Variants in EFEMP1 observed in about 807,000 individuals in gnomAD.
The protein encoded by EFEMP1 is EGF-containing fibulin-like extracellular matrix protein 1.
Under a neutral mutation model 65.7 loss-of-function variants are expected in EFEMP1, and 18 were observed. The observed-to-expected ratio is 0.27, with a 90% CI of 0.19 to 0.41. The LOEUF is 0.41. EFEMP1 is among the 10% of genes least tolerant of loss of function. The probability of loss-of-function intolerance (pLI) is 1.00; values close to 1 mark genes in which losing one functional copy is unlikely to be tolerated. For missense variants in EFEMP1, 469 were observed against 624.8 expected, an observed-to-expected ratio of 0.75 and a Z score of 2.66; for synonymous variants, 237 against 219.7, an observed-to-expected ratio of 1.08 and a Z score of -0.70.
chr2:55,887,921 C>G (rs1669481211), intron 5 of EFEMP1, among the ~76,000 whole-genome samples: 1 of 152,170 alleles, frequency 6.6e-6, no homozygotes, highest in South Asian at 2.1e-4. Context: ...AATTGCTTTT[C>G]TAGCAATGAT....
chr2:55,922,616 G>A lies in EFEMP1; in HGVS notation c.-7-169C>T. The A allele has an allele frequency of 3.0e-6, 2 of 675,504 alleles. No homozygotes were observed. The highest frequency in any genetic ancestry group is 5.1e-6 in the Non-Finnish European group (2 of 389,978). 41.8% of individuals were successfully genotyped at this position (675,504 alleles called of 1,614,324 possible). On this transcript the variant is annotated intron_variant, in intron 2 of 11. Coordinates refer to ENST00000355426, the MANE Select transcript of EFEMP1 (RefSeq NM_001039348.3). This position sits in a 1 kb window ranked among gnomAD's most constrained non-coding sequence, Gnocchi z 5.5. ...TCCCCTCCCCCTCCTGAACCTTCTCGGTAGCCAACGAACGAGGCAGCAAAG... is the reference window on the plus strand; with the variant it reads ...TCCCCTCCCCCTCCTGAACCTTCTCAGTAGCCAACGAACGAGGCAGCAAAG...
At chr2:55,899,850 C>T (rs897145544) in intron 5 of EFEMP1, among the ~76,000 whole-genome samples, 6 of 152,126 alleles carry the variant, frequency 3.9e-5, no homozygotes, top group African/African-American at 1.4e-4. Flanking sequence ...TGGGGTAGGA[C>T]AGAATAAGTC....
chr2:55,884,160 T>A (rs991666057), intron 5 of EFEMP1, among the ~76,000 whole-genome samples: 1 of 152,214 alleles, frequency 6.6e-6, no homozygotes, highest in Non-Finnish European at 1.5e-5. Flanking sequence ...TGGTGGTTTA[T>A]CTAATGCTAA....
chr2:55,870,819 T>C lies in EFEMP1; in HGVS notation c.1221A>G (p.Pro407=), dbSNP rs775180017. 3.7e-6 allele frequency: 6 copies of C among 1,613,770 alleles called. No individual in the cohort carries two copies. The South Asian group carries it at 4.4e-5, about 12-fold the overall frequency. ...YMSIRSDRSV[P]SDIFQIQATT... ...TGGCCTGTATCTGGAAGATGTCTGA[T>C]GGCACAGACCTATCAGATCGGATGC... Residue 407 remains proline (P), a synonymous_variant, in exon 11 of 12, where the codon CCA becomes CCG. Coordinates refer to ENST00000355426, the MANE Select transcript of EFEMP1 (RefSeq NM_001039348.3). This position sits in a 1 kb window ranked among gnomAD's most constrained non-coding sequence, Gnocchi z 5.8.
intron 8 of EFEMP1, among the ~76,000 whole-genome samples, chr2:55,876,154 A>G (rs1669028501): frequency 6.6e-6 from 1 of 152,158 alleles, no homozygotes; most frequent in South Asian, 2.1e-4. Flanking sequence ...ACACAGTAGC[A>G]GGAATAGAAC....
At chr2:55,903,238 G>T (rs1455662664) in intron 5 of EFEMP1, among the ~76,000 whole-genome samples, 1 of 152,178 alleles carries the variant, frequency 6.6e-6, no homozygotes, top group East Asian at 1.9e-4. Flanking sequence ...TAGTAAGAGA[G>T]GGAAATATCT....
chr2:55,877,689 A>T lies in EFEMP1; in HGVS notation c.760+57T>A. 1 of 1,610,470 alleles carries T rather than the reference A, an allele frequency of 6.2e-7. No individual in the cohort carries two copies. Among genetic ancestry groups the T allele is most frequent in the Non-Finnish European group, 8.5e-7 (1 of 1,177,538 alleles). On this transcript the variant is annotated intron_variant, in intron 7 of 11. Transcript: ENST00000355426. This position sits in a 1 kb window ranked among gnomAD's most constrained non-coding sequence, Gnocchi z 4.5. ...CATAGAAAACTGGAAATACTGCAAC[A>T]TGGCATGGGGTTTCCTTTTGTGAAG...
At chr2:55,881,773 TGAA>T in intron 5 of EFEMP1, 39 bp from the exon 6 acceptor site, 2 of 1,613,594 alleles carry the variant, frequency 1.2e-6, no homozygotes, top group Non-Finnish European at 1.7e-6. Flanking sequence ...TTGTCAGTTG[TGAA>T]GATGTTGATA....
chr2:55,892,214 T>A (rs1416602206), intron 5 of EFEMP1, among the ~76,000 whole-genome samples: 1 of 152,140 alleles, frequency 6.6e-6, no homozygotes, highest in Non-Finnish European at 1.5e-5. Flanking sequence ...TACTTTACAT[T>A]TCCATTGGGG....
rs1320008510 is a variant in EFEMP1 at position 55,886,312 on chromosome 2, T to C, written c.518-4578A>G. Among the ~76,000 whole-genome samples, 2 of 152,198 alleles carry C rather than the reference T, an allele frequency of 1.3e-5. No individual in the cohort carries two copies. The highest frequency in any genetic ancestry group is 3.8e-4 in the East Asian group (2 of 5,198). The stretch of plus-strand genomic sequence containing the variant: ...TTCTTCACAATATACTTTTTTTGTT[T>C]CCAGACTGTAAACCCCTGGAGTAAA... On this transcript the variant is annotated intron_variant, in intron 5 of 11. Transcript: ENST00000355426. The surrounding 1 kb of genome is among the most constrained non-coding windows in gnomAD (Gnocchi z 4.0).
Position 55,917,513 on chromosome 2 carries a change from T to G in EFEMP1, c.517+152A>C. The G allele has an allele frequency of 9.6e-7, 1 of 1,041,648 alleles. No homozygotes were observed. Among genetic ancestry groups the G allele is most frequent in the Non-Finnish European group, 1.5e-6 (1 of 678,020 alleles). 64.5% of individuals were successfully genotyped at this position (1,041,648 alleles called of 1,614,324 possible). A position where few individuals can be genotyped will look rare whatever the true frequency, so the allele number is the denominator to read the frequency against. ...TGATGACAACTACAGCAACTACCCT[T>G]TAGGAATATTGTGATGATTAAATAT... is the stretch of plus-strand genomic sequence containing the variant. On this transcript the variant is annotated intron_variant, in intron 5 of 11. Coordinates refer to ENST00000355426, the MANE Select transcript of EFEMP1 (RefSeq NM_001039348.3). This position sits in a 1 kb window ranked among gnomAD's most constrained non-coding sequence, Gnocchi z 6.3.
At chr2:55,895,450 T>C (rs1482515636) in intron 5 of EFEMP1, among the ~76,000 whole-genome samples, 3 of 152,084 alleles carry the variant, frequency 2.0e-5, no homozygotes, top group Non-Finnish European at 4.4e-5. Context: ...ATCTTACCAG[T>C]AAAGACTCCC....
chr2:55,897,306 C>A (rs1669865516), intron 5 of EFEMP1, among the ~76,000 whole-genome samples: 1 of 152,164 alleles, frequency 6.6e-6, no homozygotes, highest in African/African-American at 2.4e-5. Context: ...GATACCTAGT[C>A]TGGGGTTTTG....
At chr2:55,880,304 G>A (rs539169540) in intron 6 of EFEMP1, among the ~76,000 whole-genome samples, 1 of 152,244 alleles carries the variant, frequency 6.6e-6, no homozygotes, top group Admixed American at 6.5e-5. Context: ...CATTAAAAGG[G>A]CTGTGACCGT....
chr2:55,878,740 G>A (rs1669128420), intron 6 of EFEMP1, among the ~76,000 whole-genome samples: 1 of 151,580 alleles, frequency 6.6e-6, no homozygotes. Flanking sequence ...GTGCTCAAGT[G>A]GCCTCAGGAT....
Position 55,895,375 on chromosome 2 carries a change from T to A in EFEMP1, c.518-13641A>T, listed in dbSNP as rs888092215. On this transcript the variant is annotated intron_variant, in intron 5 of 11. Coordinates refer to ENST00000355426, the MANE Select transcript of EFEMP1 (RefSeq NM_001039348.3). Reference sequence around the variant, plus strand: ...CCTCTGCATCAGCCTGGCCACCTACTGCCACGTGCAACACATTCTTGCCAC... The same window carrying A: ...CCTCTGCATCAGCCTGGCCACCTACAGCCACGTGCAACACATTCTTGCCAC... 1.2e-4 allele frequency among the ~76,000 whole-genome samples: 18 copies of A among 152,306 alleles called. 1 individual carries two copies. Among genetic ancestry groups the A allele is most frequent in the African/African-American group, 4.3e-4 (18 of 41,574 alleles).
intron 9 of EFEMP1, among the ~76,000 whole-genome samples, chr2:55,872,259 A>T (rs1407484774): frequency 1.3e-5 from 2 of 152,120 alleles, no homozygotes; most frequent in East Asian, 3.9e-4. Flanking sequence ...TCCTTGCTGT[A>T]AGCCAAGCAT....
intron 5 of EFEMP1, among the ~76,000 whole-genome samples, chr2:55,902,858 A>G (rs1387593303): frequency 6.6e-6 from 1 of 152,226 alleles, no homozygotes; most frequent in Non-Finnish European, 1.5e-5. Flanking sequence ...CTATCAATGG[A>G]AACAGCTTAA....
chr2:55,889,233 T>G (rs528984346), intron 5 of EFEMP1, among the ~76,000 whole-genome samples: 2 of 152,348 alleles, frequency 1.3e-5, no homozygotes, highest in Admixed American at 1.3e-4. Flanking sequence ...CTCCTAATTG[T>G]ATGAAACCAA....
Sources: allele counts gnomAD v4.1 joint callset (sites outside exome capture counted in the v4.1 genomes callset), GRCh38; gene constraint gnomAD v4.1.1; non-coding constraint Gnocchi (gnomAD v3.1); transcripts MANE v1.5; gene names NCBI Gene and HGNC (gene_info 2026-07-23, HGNC 2026-07-21).